The following THSD1 variants were observed in gnomAD, a reference collection of about 807,000 sequenced individuals.
THSD1 encodes the protein thrombospondin type-1 domain-containing protein 1.
THSD1 carries 34 observed loss-of-function variants against 46.3 expected under a neutral mutation model. The ratio of observed to expected loss-of-function variants is 0.74; its 90% confidence interval spans 0.56 to 0.98. The LOEUF is 0.98. Among genes scored for constraint, THSD1 ranks in the 50% least tolerant of loss-of-function variants. THSD1 has a pLI of 0.00. For missense variants in THSD1, 1,023 were observed against 1,058.3 expected (o/e 0.97, Z 0.46); for synonymous variants, 407 against 416.5 (o/e 0.98, Z 0.28).
At chr13:52,398,235 T>C (rs1050631376) in intron 2 of THSD1, 41 bp from the exon 3 acceptor site, 2 of 1,570,462 alleles carry the variant, frequency 1.3e-6, no homozygotes, top group Admixed American at 3.7e-5. Flanking sequence ...AAAGGTGCAT[T>C]TGAGAAGAAC....
intron 2 of THSD1, among the ~76,000 whole-genome samples, chr13:52,401,594 C>T (rs1350196958): frequency 3.9e-5 from 6 of 152,174 alleles, no homozygotes; most frequent in Middle Eastern, 3.2e-3. Flanking sequence ...CCACCGCGCC[C>T]GGCCAAATTA....
At chr13:52,396,988 C>G (rs749085496) in intron 3 of THSD1, among the ~76,000 whole-genome samples, 30 of 152,150 alleles carry the variant, frequency 2.0e-4, no homozygotes, top group African/African-American at 5.8e-4. Context: ...TCAATCTCCA[C>G]GACTCTGAAG....
At chr13:52,380,636 G>A (rs533309028) in intron 4 of THSD1, among the ~76,000 whole-genome samples, 8 of 151,752 alleles carry the variant, frequency 5.3e-5, no homozygotes, top group Non-Finnish European at 1.0e-4. Flanking sequence ...TTTTAGTAGA[G>A]ATGGGGTTTC....
chr13:52,392,149 G>A (rs974249826), intron 3 of THSD1, among the ~76,000 whole-genome samples: 22 of 135,016 alleles, frequency 1.6e-4, no homozygotes, highest in Admixed American at 3.4e-4. Flanking sequence ...CCGAGATCGC[G>A]CCACTGCGCT....
At chr13:52,404,662 A>C (rs1957893208) in intron 1 of THSD1, among the ~76,000 whole-genome samples, 1 of 152,236 alleles carries the variant, frequency 6.6e-6, no homozygotes, top group African/African-American at 2.4e-5. Context: ...CACTTGGGCA[A>C]GTGTGAGCAC....
rs934638287 is a variant in THSD1, at chr13:52,377,328, C to A, written c.*83G>T. The A allele has an allele frequency of 4.2e-6, 6 of 1,437,520 alleles. No homozygotes were observed. The African/African-American group carries it at 8.6e-5, about 21-fold the overall frequency. The allele number at this position is 1,437,520 out of a possible 1,614,324, so 89.0% of individuals were successfully genotyped here. A position where few individuals can be genotyped will look rare whatever the true frequency, so the allele number is the denominator to read the frequency against. ...GTGTTACTTCCTCCTCACATTCTGTCCTACGGTACAAATAGTTACACAAAA... is the reference window on the plus strand; with the variant it reads ...GTGTTACTTCCTCCTCACATTCTGTACTACGGTACAAATAGTTACACAAAA... On this transcript the variant is annotated 3_prime_UTR_variant, in exon 5 of 5. Coordinates refer to ENST00000258613, the MANE Select transcript of THSD1 (RefSeq NM_018676.4).
chr13:52,396,762 G>C (rs9536059), intron 3 of THSD1, among the ~76,000 whole-genome samples: 5,899 of 152,076 alleles, frequency 0.039, 140 homozygotes, highest in South Asian at 0.07. Flanking sequence ...CACTAAAAAG[G>C]CCCCATTCCT....
At chr13:52,384,282 T>C (rs551143298) in intron 4 of THSD1, 56 of 386,628 alleles carry the variant, frequency 1.4e-4, no homozygotes, top group Non-Finnish European at 2.6e-4. Flanking sequence ...TGATACTTCT[T>C]CTAGAAAGCC....
At chr13:52,402,823 G>C in intron 1 of THSD1, 142 bp from the exon 2 acceptor site, 1 of 1,351,888 alleles carries the variant, frequency 7.4e-7, no homozygotes, top group Middle Eastern at 2.3e-4. Flanking sequence ...ATTTTCCCTG[G>C]GGCAATGACT....
intron 3 of THSD1, among the ~76,000 whole-genome samples, chr13:52,391,454 G>C (rs775691860): frequency 2.6e-5 from 4 of 151,922 alleles, no homozygotes; most frequent in Non-Finnish European, 5.9e-5. Flanking sequence ...CTGAGCTCAA[G>C]TGATCCATCT....
intron 3 of THSD1, among the ~76,000 whole-genome samples, chr13:52,391,931 G>C (rs1174472383): frequency 2.6e-5 from 4 of 151,898 alleles, no homozygotes; most frequent in African/African-American, 9.7e-5. Context: ...GGTGGCTCAT[G>C]CCTGTAATCC....
chr13:52,393,519 A>C (rs1957788612), intron 3 of THSD1, among the ~76,000 whole-genome samples: 1 of 152,216 alleles, frequency 6.6e-6, no homozygotes, highest in East Asian at 1.9e-4. Flanking sequence ...TTAGCCGGGC[A>C]TGGCAGTGCA....
chr13:52,377,216 A>T lies in THSD1; in HGVS notation c.*195T>A, dbSNP rs963217843. 6 of 1,317,708 alleles carry T rather than the reference A, an allele frequency of 4.6e-6. No individual in the cohort carries two copies. The African/African-American group carries it at 8.8e-5, about 19-fold the overall frequency. 81.6% of individuals were successfully genotyped at this position (1,317,708 alleles called of 1,614,324 possible). ...ATTGTTATTACTAATAAATCAATAG[A>T]AATTGAATAACAAAGGAAAAAGCTC... On this transcript the variant is annotated 3_prime_UTR_variant, in exon 5 of 5. Transcript: ENST00000258613.
intron 2 of THSD1, among the ~76,000 whole-genome samples, chr13:52,399,533 A>G (rs1429443476): frequency 6.6e-6 from 1 of 152,128 alleles, no homozygotes; most frequent in Non-Finnish European, 1.5e-5. Context: ...TATATATGCA[A>G]TCAATGATTA....
chr13:52,382,194 C>T (rs1957698516), intron 4 of THSD1, among the ~76,000 whole-genome samples: 1 of 152,194 alleles, frequency 6.6e-6, no homozygotes, highest in Non-Finnish European at 1.5e-5. Context: ...ACCATCTTCC[C>T]CTACAACTTG....
In THSD1 at chr13:52,391,742, C is replaced by G. The variant is rs141193790; in HGVS notation, c.1021+5490G>C. Among the ~76,000 whole-genome samples the G allele has an allele frequency of 3.3e-5, 5 of 151,976 alleles. No individual in the cohort carries two copies. The East Asian group carries it at 9.9e-4, about 30-fold the overall frequency. On this transcript the variant is annotated intron_variant, in intron 3 of 4. Coordinates refer to ENST00000258613, the MANE Select transcript of THSD1 (RefSeq NM_018676.4). Reference sequence around the variant, plus strand: ...TATATTTGGTAGTGATGAGGTTTCACTATGTTGGCCAGGATGGTCCTCAAT... The same window carrying G: ...TATATTTGGTAGTGATGAGGTTTCAGTATGTTGGCCAGGATGGTCCTCAAT...
chr13:52,394,861 TA>T (rs1203045173), intron 3 of THSD1, among the ~76,000 whole-genome samples: 1 of 152,076 alleles, frequency 6.6e-6, no homozygotes, highest in Non-Finnish European at 1.5e-5. Context: ...AGGGGATTTA[TA>T]GGGGGAGAAA....
intron 4 of THSD1, among the ~76,000 whole-genome samples, chr13:52,384,897 C>T (rs1957719321): frequency 6.7e-6 from 1 of 149,500 alleles, no homozygotes; most frequent in Non-Finnish European, 1.5e-5. Flanking sequence ...CTATGAAAGA[C>T]AGGCAGATGG....
At chr13:52,403,384 C>T (rs541349135) in intron 1 of THSD1, among the ~76,000 whole-genome samples, 1 of 152,324 alleles carries the variant, frequency 6.6e-6, no homozygotes, top group East Asian at 1.9e-4. Context: ...ATCACGAGAT[C>T]GGTGGTTCAC....
Sources: allele counts gnomAD v4.1 joint callset (sites outside exome capture counted in the v4.1 genomes callset), GRCh38; gene constraint gnomAD v4.1.1; transcripts MANE v1.5; gene names NCBI Gene and HGNC (gene_info 2026-07-23, HGNC 2026-07-21).